Variants in TMX3 observed in about 807,000 individuals in gnomAD.
TMX3 encodes the protein protein disulfide-isomerase TMX3.
In TMX3, 40 loss-of-function variants were observed where a neutral mutation model predicts 64.4. The observed-to-expected ratio is 0.62, with a 90% CI of 0.48 to 0.81. The LOEUF is 0.81. Among genes scored for constraint, TMX3 ranks in the 30% least tolerant of loss-of-function variants. The pLI, the probability that TMX3 is intolerant of heterozygous loss-of-function variation, is 0.00. For synonymous variants in TMX3, 189 were observed against 175.7 expected, an observed-to-expected ratio of 1.08 and a Z score of -0.60; for missense variants, 497 against 534.5, an observed-to-expected ratio of 0.93 and a Z score of 0.69.
intron 8 of TMX3, among the ~76,000 whole-genome samples, chr18:68,695,495 A>G (rs941352697): frequency 6.6e-6 from 1 of 152,186 alleles, no homozygotes; most frequent in Non-Finnish European, 1.5e-5. Flanking sequence ...ATTAAAATGA[A>G]TAATTCAAAG....
intron 7 of TMX3, 103 bp from the exon 8 acceptor site, chr18:68,697,406 C>T: frequency 1.9e-6 from 1 of 539,632 alleles, no homozygotes; most frequent in Admixed American, 3.7e-5. Flanking sequence ...AGAGTCATCA[C>T]CTTAATGTGC....
At chr18:68,679,714 C>T in intron 14 of TMX3, 183 bp from the exon 15 acceptor site, 1 of 538,426 alleles carries the variant, frequency 1.9e-6, no homozygotes. Flanking sequence ...AGCATTCCTC[C>T]TGCCTGCTTG....
At chr18:68,706,936 GATA>G (rs1365032885) in intron 4 of TMX3, among the ~76,000 whole-genome samples, 1 of 152,174 alleles carries the variant, frequency 6.6e-6, no homozygotes, top group African/African-American at 2.4e-5. Context: ...TATTTAAGTG[GATA>G]ATGCTTCCAT....
chr18:68,689,870 A>AT (rs1207349320), intron 9 of TMX3: 4 of 152,206 alleles, frequency 2.6e-5, no homozygotes, highest in Non-Finnish European at 5.9e-5. Flanking sequence ...ATCCTGGGGT[A>AT]TTAATCTATC....
chr18:68,679,347 G>A lies in TMX3; in HGVS notation c.1104+116C>T, dbSNP rs74361779. On this transcript the variant is annotated intron_variant, in intron 15 of 15. Coordinates refer to ENST00000299608, the MANE Select transcript of TMX3 (RefSeq NM_019022.5). ...CTTAAATACTGACTAGTCATATCCTGCAAATTAAAAAGACATATTTTGACC... is the reference window on the plus strand; with the variant it reads ...CTTAAATACTGACTAGTCATATCCTACAAATTAAAAAGACATATTTTGACC... The A allele has an allele frequency of 4.4e-3, 3,183 of 718,928 alleles. 74 individuals carry two copies. The African/African-American group carries it at 0.049, about 11-fold the overall frequency. The allele number at this position is 718,928 out of a possible 1,614,324, so 44.5% of individuals were successfully genotyped here. A position where few individuals can be genotyped will look rare whatever the true frequency, so the allele number is the denominator to read the frequency against.
At chr18:68,682,636 A>G (rs1913543949) in intron 13 of TMX3, among the ~76,000 whole-genome samples, 1 of 152,134 alleles carries the variant, frequency 6.6e-6, no homozygotes, top group Non-Finnish European at 1.5e-5. Flanking sequence ...TGCATTAAGT[A>G]GAAGCCATGA....
intron 10 of TMX3, among the ~76,000 whole-genome samples, chr18:68,685,116 C>T (rs185144858): frequency 6.6e-6 from 1 of 152,280 alleles, no homozygotes; most frequent in East Asian, 1.9e-4. Context: ...ACGCCAAACA[C>T]TGCCATCAAG....
Position 68,679,425 on chromosome 18 carries a change from C to CT in TMX3, c.1104+37dup, listed in dbSNP as rs544546253. The CT allele has an allele frequency of 2.9e-4, 449 of 1,523,566 alleles. 3 individuals carry two copies. The African/African-American group carries it at 3.7e-3, about 13-fold the overall frequency. 94.4% of individuals were successfully genotyped at this position (1,523,566 alleles called of 1,614,324 possible). A position where few individuals can be genotyped will look rare whatever the true frequency, so the allele number is the denominator to read the frequency against. ...ACAGCTAGACATAAAGAACCTATAT[C>CT]TTCTTCATTATCAATGACATAAACT... On this transcript the variant is annotated intron_variant, in intron 15 of 15. Coordinates refer to ENST00000299608, the MANE Select transcript of TMX3 (RefSeq NM_019022.5).
Position 68,678,908 on chromosome 18 carries a change from A to G in TMX3, c.1104+555T>C, listed in dbSNP as rs1342769066. Among the ~76,000 whole-genome samples the G allele has an allele frequency of 7.2e-5, 11 of 152,072 alleles. No individual in the cohort carries two copies. In the East Asian group the frequency reaches 2.1e-3, roughly 29 times the overall value. ...ACATTTAAAGTGTTCTATAAAAAGA[A>G]TAAAAGAAAAAAAAAAGGAAGGAGA... is the stretch of plus-strand genomic sequence containing the variant. On this transcript the variant is annotated intron_variant, in intron 15 of 15. Transcript: ENST00000299608.
intron 1 of TMX3, 88 bp downstream of exon 1, chr18:68,714,848 T>C: frequency 6.6e-7 from 1 of 1,521,142 alleles, no homozygotes; most frequent in Non-Finnish European, 8.9e-7. Context: ...CCCGCAGGCC[T>C]CGCCCCAGAC....
chr18:68,676,789 G>A lies in TMX3; in HGVS notation c.*144C>T. ...CCAAACACTTCCCCATGTATGGAGG[G>A]ACTACTTTAATCCATGCAGTTGATA... On this transcript the variant is annotated 3_prime_UTR_variant, in exon 16 of 16. Transcript: ENST00000299608. 3 of 988,942 alleles carry A rather than the reference G, an allele frequency of 3.0e-6. No individual in the cohort carries two copies. Among genetic ancestry groups the A allele is most frequent in the Non-Finnish European group, 4.3e-6 (3 of 691,504 alleles). 61.3% of individuals were successfully genotyped at this position (988,942 alleles called of 1,614,324 possible).
chr18:68,709,025 C>T (rs569938809), intron 4 of TMX3, among the ~76,000 whole-genome samples: 3 of 152,228 alleles, frequency 2.0e-5, no homozygotes, highest in East Asian at 1.9e-4. Flanking sequence ...ATATACATTA[C>T]GTACTTCCAC....
intron 10 of TMX3, chr18:68,686,988 TAA>T (rs1231670311): frequency 4.1e-6 from 4 of 981,836 alleles, no homozygotes; most frequent in African/African-American, 1.8e-5. Context: ...TAAAAAAAAA[TAA>T]GTCTTGAATA....
intron 4 of TMX3, among the ~76,000 whole-genome samples, chr18:68,707,042 A>G (rs755124198): frequency 7.2e-5 from 11 of 152,226 alleles, no homozygotes; most frequent in African/African-American, 1.2e-4. Flanking sequence ...CCACAAGAAT[A>G]TAAGTTCCAT....
At chr18:68,688,019 T>C (rs887527916) in intron 9 of TMX3, 2 of 246,536 alleles carry the variant, frequency 8.1e-6, no homozygotes, top group African/African-American at 2.2e-5. Context: ...ATATCCTAAA[T>C]TGGAAATAAT....
In TMX3 at chr18:68,707,981, GTATGTGTATA is replaced by G. The variant is rs766123067; in HGVS notation, c.265+2030_265+2039del. The stretch of plus-strand genomic sequence containing the variant: ...TATGTGTATATGTGTACATATATGT[GTATGTGTATA>G]TATGTGTATATATATGTGTATATGT... On this transcript the variant is annotated intron_variant, in intron 4 of 15. Transcript: ENST00000299608. Among the ~76,000 whole-genome samples, 263 of 149,614 alleles carry G rather than the reference GTATGTGTATA, an allele frequency of 1.8e-3. 3 individuals carry two copies. The highest frequency in any genetic ancestry group is 3.4e-3 in the Non-Finnish European group (227 of 67,740).
chr18:68,706,592 T>C (rs1351004584), intron 4 of TMX3, among the ~76,000 whole-genome samples: 1 of 152,268 alleles, frequency 6.6e-6, no homozygotes, highest in Non-Finnish European at 1.5e-5. Context: ...GTCTACAGAT[T>C]ACATGCTGAG....
chr18:68,684,042 T>A (rs1196597622), intron 12 of TMX3, 148 bp downstream of exon 12: 9 of 656,030 alleles, frequency 1.4e-5, no homozygotes, highest in Non-Finnish European at 2.1e-5. Flanking sequence ...TTGGAATGTA[T>A]CTCCTGTGGA....
intron 9 of TMX3, among the ~76,000 whole-genome samples, chr18:68,688,233 G>A (rs187744603): frequency 6.6e-6 from 1 of 152,148 alleles, no homozygotes; most frequent in Admixed American, 6.5e-5. Flanking sequence ...CTGAATCAAT[G>A]GTTATACTTG....
Sources: allele counts gnomAD v4.1 joint callset (sites outside exome capture counted in the v4.1 genomes callset), GRCh38; gene constraint gnomAD v4.1.1; transcripts MANE v1.5; gene names NCBI Gene and HGNC (gene_info 2026-07-23, HGNC 2026-07-21).